Variants in STK32B observed in about 807,000 individuals in gnomAD.
The protein encoded by STK32B is serine/threonine-protein kinase 32B.
A neutral mutation model predicts 52.6 loss-of-function variants in STK32B; 43 were observed. The ratio of observed to expected loss-of-function variants is 0.82; its 90% confidence interval spans 0.64 to 1.05. The LOEUF (loss-of-function observed/expected upper bound fraction) is 1.05. Ranked by LOEUF, STK32B falls within the 50% of genes least tolerant of loss-of-function variation. The pLI is 0.00. For missense variants in STK32B, 621 were observed against 534.6 expected (o/e 1.16, Z -1.59); for synonymous variants, 238 against 204.3 (o/e 1.17, Z -1.41).
chr4:5,244,380 T>G lies in STK32B; in HGVS notation c.260+75930T>G, dbSNP rs543715210. On this transcript the variant is annotated intron_variant, in intron 3 of 11. Transcript: ENST00000282908. Reference sequence around the variant, plus strand: ...TATTTGTGTAGAGGTGTTTGTAGTATTCTCTGATGGTAGTTTGTATTTCTG... The same window carrying G: ...TATTTGTGTAGAGGTGTTTGTAGTAGTCTCTGATGGTAGTTTGTATTTCTG... 2.0e-3 allele frequency among the ~76,000 whole-genome samples: 307 copies of G among 152,338 alleles called. 2 individuals carry two copies. The highest frequency in any genetic ancestry group is 7.0e-3 in the African/African-American group (292 of 41,566).
intron 6 of STK32B, among the ~76,000 whole-genome samples, chr4:5,434,738 G>C (rs1057168537): frequency 5.9e-5 from 9 of 152,118 alleles, no homozygotes; most frequent in African/African-American, 1.9e-4. Flanking sequence ...TAGACACTGA[G>C]CACAGTCCCT....
intron 3 of STK32B, among the ~76,000 whole-genome samples, chr4:5,178,008 A>G (rs970619345): frequency 6.6e-6 from 1 of 152,200 alleles, no homozygotes; most frequent in African/African-American, 2.4e-5. Context: ...TCTGGAGGAC[A>G]GTGGCTGTCT....
At chr4:5,142,749 G>A (rs1293893903) in intron 2 of STK32B, among the ~76,000 whole-genome samples, 3 of 152,206 alleles carry the variant, frequency 2.0e-5, no homozygotes, top group African/African-American at 7.2e-5. Context: ...TATCAACTGG[G>A]CTAGGCCGTG....
At chr4:5,439,238 A>G (rs1192688172) in intron 6 of STK32B, among the ~76,000 whole-genome samples, 1 of 150,818 alleles carries the variant, frequency 6.6e-6, no homozygotes, top group East Asian at 1.9e-4. Flanking sequence ...AAGTGTTCCT[A>G]TTTCTCCACA....
chr4:5,359,309 A>G (rs1734388690), intron 4 of STK32B, among the ~76,000 whole-genome samples: 1 of 152,140 alleles, frequency 6.6e-6, no homozygotes, highest in East Asian at 1.9e-4. Flanking sequence ...CTATTCATTC[A>G]TCCACTCACT....
chr4:5,149,085 A>G (rs1282807638), intron 2 of STK32B, among the ~76,000 whole-genome samples: 1 of 151,800 alleles, frequency 6.6e-6, no homozygotes, highest in African/African-American at 2.4e-5. Context: ...TTATTTTCTT[A>G]AAACGCTGTG....
chr4:5,139,455 T>C (rs1338401596), intron 1 of STK32B: 1 of 169,024 alleles, frequency 5.9e-6, no homozygotes, highest in Non-Finnish European at 1.3e-5. Context: ...TGACAGACTC[T>C]AGTGTTTAAT....
chr4:5,030,219 A>C, the STK32B span, among the ~76,000 whole-genome samples: 2 of 152,234 alleles, frequency 1.3e-5, no homozygotes, highest in East Asian at 3.8e-4. Context: ...ATGCACTATT[A>C]TTCGAGGTTA....
At chr4:5,248,531 T>G (rs73797148) in intron 3 of STK32B, among the ~76,000 whole-genome samples, 12,205 of 152,184 alleles carry the variant, frequency 0.08, 730 homozygotes, top group African/African-American at 0.17. Flanking sequence ...TAGTCAAATT[T>G]GACACCTGGG....
intron 5 of STK32B, among the ~76,000 whole-genome samples, chr4:5,405,585 G>A (rs1737603402): frequency 6.6e-6 from 1 of 152,120 alleles, no homozygotes; most frequent in African/African-American, 2.4e-5. Context: ...AATTCCACAG[G>A]CTGTTCAGGA....
At chr4:5,314,294 A>G (rs1265798694) in intron 3 of STK32B, among the ~76,000 whole-genome samples, 1 of 152,194 alleles carries the variant, frequency 6.6e-6, no homozygotes, top group East Asian at 1.9e-4. Flanking sequence ...TCATGAAGGA[A>G]GGATAGCTTC....
At chr4:5,066,815 C>A (rs1742442690) in intron 1 of STK32B, among the ~76,000 whole-genome samples, 1 of 152,208 alleles carries the variant, frequency 6.6e-6, no homozygotes, top group Admixed American at 6.5e-5. Context: ...ACACTCTTTC[C>A]ATCTTATCCC....
At chr4:5,226,851 T>C (rs1443814049) in intron 3 of STK32B, among the ~76,000 whole-genome samples, 1 of 152,182 alleles carries the variant, frequency 6.6e-6, no homozygotes, top group Non-Finnish European at 1.5e-5. Flanking sequence ...GTTTCAGGCG[T>C]TCAGTGGGGG....
At chr4:5,075,180 G>A (rs1325902935) in intron 1 of STK32B, among the ~76,000 whole-genome samples, 1 of 152,026 alleles carries the variant, frequency 6.6e-6, no homozygotes, top group Non-Finnish European at 1.5e-5. Flanking sequence ...TGGAATAAAG[G>A]GTGTAAATGT....
chr4:5,161,124 A>C (rs535194180), intron 2 of STK32B, among the ~76,000 whole-genome samples: 3 of 152,270 alleles, frequency 2.0e-5, no homozygotes, highest in Admixed American at 2.0e-4. Flanking sequence ...TGATGTCCTC[A>C]TGGCTGACAT....
intron 7 of STK32B, among the ~76,000 whole-genome samples, chr4:5,448,211 A>G (rs1198507468): frequency 3.9e-5 from 6 of 152,250 alleles, no homozygotes; most frequent in African/African-American, 1.2e-4. Context: ...TATACATTGC[A>G]TTCTTAGAAT....
intron 3 of STK32B, among the ~76,000 whole-genome samples, chr4:5,196,334 G>GTTTTTTTTTTTTT (rs35605834): frequency 9.1e-5 from 8 of 87,714 alleles, no homozygotes; most frequent in African/African-American, 3.1e-4. Context: ...TCTTTCTTCA[G>GTTTTTTTTTTTTT]TTTTTTTTTT....
intron 4 of STK32B, among the ~76,000 whole-genome samples, chr4:5,354,373 C>T (rs1321886389): frequency 6.6e-6 from 1 of 152,204 alleles, no homozygotes; most frequent in African/African-American, 2.4e-5. Flanking sequence ...TCAAGGGATT[C>T]TCCTGCCTCA....
chr4:5,035,942 C>A, the STK32B span, among the ~76,000 whole-genome samples: 1 of 151,896 alleles, frequency 6.6e-6, no homozygotes. Context: ...CCACCACACC[C>A]GGCTAATTTT....
Sources: gnomAD v4.1 joint callset for allele counts (sites outside exome capture counted in the v4.1 genomes callset) on GRCh38, gnomAD v4.1.1 for gene constraint, MANE v1.5 for transcripts, NCBI Gene and HGNC (gene_info 2026-07-23, HGNC 2026-07-21) for gene names.